Variants in SYT14 observed in about 807,000 individuals in gnomAD.
SYT14 encodes synaptotagmin 14, also known as synaptotagmin-14.
A neutral mutation model predicts 74.2 loss-of-function variants in SYT14; 32 were observed. That is an observed-to-expected ratio of 0.43 (90% CI 0.33 to 0.58). The LOEUF (loss-of-function observed/expected upper bound fraction) is 0.58, where lower values mean the gene tolerates loss of function less well. SYT14 is among the 20% of genes least tolerant of loss of function. SYT14 has a pLI of 0.05. For missense variants in SYT14, 791 were observed against 981.8 expected (o/e 0.81, Z 2.60); for synonymous variants, 298 against 337.7 (o/e 0.88, Z 1.29).
intron 2 of SYT14, among the ~76,000 whole-genome samples, chr1:209,986,829 G>A (rs915640739): frequency 3.3e-5 from 5 of 151,702 alleles, no homozygotes; most frequent in Admixed American, 6.6e-5. Flanking sequence ...TCACCATATT[G>A]GTCAGGCTGG....
intron 2 of SYT14, among the ~76,000 whole-genome samples, chr1:209,994,149 T>A (rs999850350): frequency 4.6e-5 from 7 of 152,148 alleles, no homozygotes; most frequent in African/African-American, 1.4e-4. Flanking sequence ...CTTAACCAGT[T>A]TGAAATGACT....
chr1:210,140,565 A>G (rs2082893014), intron 7 of SYT14, among the ~76,000 whole-genome samples: 1 of 152,080 alleles, frequency 6.6e-6, no homozygotes, highest in Non-Finnish European at 1.5e-5. Context: ...TGTCTTATCT[A>G]TGAAACCATT....
chr1:209,993,391 G>C (rs1262253243), intron 2 of SYT14, among the ~76,000 whole-genome samples: 1 of 152,198 alleles, frequency 6.6e-6, no homozygotes, highest in Non-Finnish European at 1.5e-5. Context: ...TAGTGGCCCA[G>C]AAACACTTGT....
chr1:209,938,982 C>G (rs993865141), intron 1 of SYT14, among the ~76,000 whole-genome samples: 1 of 152,114 alleles, frequency 6.6e-6, no homozygotes, highest in African/African-American at 2.4e-5. Flanking sequence ...AAATACCAGT[C>G]TATGAAGTGT....
rs960923188 is a variant in SYT14 at position 210,139,265 on chromosome 1, CT to C, written c.2035-16434del. Among the ~76,000 whole-genome samples, 724 of 95,838 alleles carry C rather than the reference CT, an allele frequency of 7.6e-3. 2 individuals carry two copies. Among genetic ancestry groups the C allele is most frequent in the African/African-American group, 0.025 (602 of 24,404 alleles). The allele number at this position is 95,838 out of a possible 152,430, so 62.9% of individuals were successfully genotyped here. On this transcript the variant is annotated intron_variant, in intron 7 of 9. Transcript: ENST00000637265. ...CCAGGCCTGGCTAATTTTCTTTTTT[CT>C]TTTTTTTTTTTTTTTTTTTTTGATT...
At chr1:210,166,051 G>C (rs1277252966) in exon 10 of SYT14, 1 of 152,202 alleles carries the variant, frequency 6.6e-6, no homozygotes, top group Non-Finnish European at 1.5e-5. Context: ...CTAGTATAAT[G>C]AAGCATTAAG....
chr1:210,005,638 C>T (rs1282547091), intron 2 of SYT14, among the ~76,000 whole-genome samples: 1 of 151,814 alleles, frequency 6.6e-6, no homozygotes, highest in Non-Finnish European at 1.5e-5. Context: ...CTATGCTTTG[C>T]TGTAGGGAGA....
chr1:210,090,015 G>A (rs935374587), intron 5 of SYT14, among the ~76,000 whole-genome samples: 6 of 152,178 alleles, frequency 3.9e-5, no homozygotes, highest in African/African-American at 1.2e-4. Flanking sequence ...ATTGGTTGGA[G>A]GAGGCGACCA....
At chr1:210,118,634 G>A (rs2102602730) in intron 7 of SYT14, among the ~76,000 whole-genome samples, 1 of 151,998 alleles carries the variant, frequency 6.6e-6, no homozygotes, top group South Asian at 2.1e-4. Flanking sequence ...CTGCCACCAT[G>A]CCCAGCTAAT....
intron 5 of SYT14, among the ~76,000 whole-genome samples, chr1:210,026,009 A>G (rs568208038): frequency 2.0e-5 from 3 of 152,282 alleles, no homozygotes; most frequent in African/African-American, 7.2e-5. Flanking sequence ...AATCTGAAAT[A>G]CACATATTCT....
intron 2 of SYT14, among the ~76,000 whole-genome samples, chr1:209,953,521 A>G (rs534168191): frequency 3.9e-5 from 6 of 152,280 alleles, no homozygotes; most frequent in African/African-American, 1.2e-4. Flanking sequence ...GCCAACTAAC[A>G]GCACTCCTCC....
chr1:210,162,246 A>G (rs1430339782), exon 10 of SYT14: 2 of 428,244 alleles, frequency 4.7e-6, no homozygotes, highest in Admixed American at 5.1e-5. Context: ...CCTTTCATGT[A>G]AGTTAAATTT....
At chr1:210,161,817 T>A (rs532220872) in exon 10 of SYT14, 91 of 453,764 alleles carry the variant, frequency 2.0e-4, no homozygotes, top group Admixed American at 4.9e-4. Flanking sequence ...TGAAAGCACT[T>A]CCTGTATTCT....
At chr1:210,075,668 G>A (rs72743412) in intron 5 of SYT14, among the ~76,000 whole-genome samples, 103 of 152,142 alleles carry the variant, frequency 6.8e-4, no homozygotes, top group Non-Finnish European at 7.9e-4. Context: ...GGATGGGGGC[G>A]TGGCTGGCCA....
intron 5 of SYT14, among the ~76,000 whole-genome samples, chr1:210,066,394 T>G (rs2081296784): frequency 6.6e-6 from 1 of 152,146 alleles, no homozygotes; most frequent in African/African-American, 2.4e-5. Context: ...ACCTGTTGTT[T>G]CCTGACTTTT....
At chr1:210,153,996 T>C (rs1256677415) in intron 7 of SYT14, among the ~76,000 whole-genome samples, 1 of 152,190 alleles carries the variant, frequency 6.6e-6, no homozygotes, top group Non-Finnish European at 1.5e-5. Flanking sequence ...TTTGCTAAAT[T>C]CTTAAAGGAA....
At chr1:209,993,583 C>G (rs1386595941) in intron 2 of SYT14, among the ~76,000 whole-genome samples, 1 of 152,186 alleles carries the variant, frequency 6.6e-6, no homozygotes, top group African/African-American at 2.4e-5. Context: ...ACCAGACATG[C>G]ATTTCTCCTT....
intron 5 of SYT14, among the ~76,000 whole-genome samples, chr1:210,086,870 CT>C (rs752519196): frequency 6.6e-6 from 1 of 152,052 alleles, no homozygotes; most frequent in Non-Finnish European, 1.5e-5. Context: ...TTAGTTTTTT[CT>C]TTTTTCATAT....
chr1:210,085,983 C>A (rs1442549656), intron 5 of SYT14, among the ~76,000 whole-genome samples: 1 of 151,950 alleles, frequency 6.6e-6, no homozygotes, highest in African/African-American at 2.4e-5. Flanking sequence ...ATAATAAGTT[C>A]ACCAGTGAAG....
Sources: gnomAD v4.1 joint callset for allele counts (sites outside exome capture counted in the v4.1 genomes callset) on GRCh38, gnomAD v4.1.1 for gene constraint, MANE v1.5 for transcripts, NCBI Gene and HGNC (gene_info 2026-07-23, HGNC 2026-07-21) for gene names.